TM9SF2: variants seen among roughly 807,000 people sequenced by gnomAD.
The protein encoded by TM9SF2 is transmembrane 9 superfamily member 2, also known as 76 kDa membrane protein.
TM9SF2 carries 13 observed loss-of-function variants against 84.9 expected under a neutral mutation model. The observed-to-expected ratio is 0.15, with a 90% confidence interval of 0.10 to 0.24. TM9SF2 has a LOEUF of 0.24. TM9SF2 is among the 10% of genes least tolerant of loss of function. The probability of loss-of-function intolerance (pLI) is 1.00; values close to 1 mark genes in which losing one functional copy is unlikely to be tolerated. For synonymous variants in TM9SF2, 273 were observed against 285.8 expected, an observed-to-expected ratio of 0.96 and a Z score of 0.45; for missense variants, 562 against 818.5, an observed-to-expected ratio of 0.69 and a Z score of 3.82.
chr13:99,549,738 GT>G (rs2046297986), intron 12 of TM9SF2, among the ~76,000 whole-genome samples: 1 of 152,134 alleles, frequency 6.6e-6, no homozygotes. Flanking sequence ...ATCTGATGCG[GT>G]TCTGGTCCTA....
chr13:99,544,354 C>A (rs9585122), intron 10 of TM9SF2, among the ~76,000 whole-genome samples: 52,475 of 147,130 alleles, frequency 0.36, 10,665 homozygotes, highest in African/African-American at 0.56. Flanking sequence ...AAAAAAAAAA[C>A]AAAAAACACC....
Position 99,555,646 on chromosome 13 carries a change from A to G in TM9SF2, c.1751A>G (p.Glu584Gly). Residue 584 changes from glutamate (E) to glycine (G), a missense_variant and splice_region_variant, in exon 15 of 17, where the codon GAG (glutamate) becomes GGG (glycine). Coordinates refer to ENST00000376387, the MANE Select transcript of TM9SF2 (RefSeq NM_004800.3). Reference protein sequence around the residue: ...ILLCYFHLCAEDYHWQWRSFL... With the variant: ...ILLCYFHLCAGDYHWQWRSFL... ...CTTTGCTATTTCCACCTATGTGCAG[A>G]GGTATGTATTAGCAGTATTCACTTA... 6.2e-7 allele frequency: 1 copy of G among 1,604,958 alleles called. No homozygotes were observed. The highest frequency in any genetic ancestry group is 8.5e-7 in the Non-Finnish European group (1 of 1,171,912).
chr13:99,526,281 A>G (rs538327330), intron 3 of TM9SF2, among the ~76,000 whole-genome samples: 18 of 152,356 alleles, frequency 1.2e-4, no homozygotes, highest in African/African-American at 4.1e-4. Context: ...TTAATTGTGT[A>G]TCTCCAGCTA....
chr13:99,541,184 G>A (rs570528730), intron 8 of TM9SF2, among the ~76,000 whole-genome samples: 28 of 152,232 alleles, frequency 1.8e-4, no homozygotes, highest in African/African-American at 6.7e-4. Flanking sequence ...TTTTCCTATT[G>A]CTGTCTGATC....
intron 1 of TM9SF2, among the ~76,000 whole-genome samples, chr13:99,508,278 C>T (rs565848228): frequency 8.0e-4 from 121 of 152,180 alleles, no homozygotes; most frequent in African/African-American, 2.8e-3. Flanking sequence ...GAAGTTCTTT[C>T]TAGTCACATC....
intron 10 of TM9SF2, among the ~76,000 whole-genome samples, chr13:99,546,340 A>G (rs1296989779): frequency 1.3e-5 from 2 of 152,204 alleles, no homozygotes; most frequent in African/African-American, 4.8e-5. Flanking sequence ...GGGAATTTCT[A>G]TGAATATAAT....
chr13:99,547,847 A>G (rs2046290062), intron 11 of TM9SF2, among the ~76,000 whole-genome samples: 2 of 152,138 alleles, frequency 1.3e-5, no homozygotes, highest in African/African-American at 4.8e-5. Context: ...TTTTGAGGTG[A>G]AGCACAGTAG....
chr13:99,532,883 G>C (rs564730592), intron 4 of TM9SF2, among the ~76,000 whole-genome samples: 2 of 152,282 alleles, frequency 1.3e-5, no homozygotes, highest in Non-Finnish European at 2.9e-5. Context: ...AATTACCTGA[G>C]AAAGTGCTGG....
chr13:99,519,323 C>T (rs770205234), intron 2 of TM9SF2, among the ~76,000 whole-genome samples: 2 of 151,518 alleles, frequency 1.3e-5, no homozygotes, highest in Non-Finnish European at 2.9e-5. Context: ...ACCAGAGACC[C>T]ACCTTCCTCT....
At chr13:99,552,905 CTG>C (rs2046311829) in intron 13 of TM9SF2, among the ~76,000 whole-genome samples, 1 of 152,176 alleles carries the variant, frequency 6.6e-6, no homozygotes, top group Non-Finnish European at 1.5e-5. Context: ...GAAGAAGTCA[CTG>C]TAAGAAAAGT....
intron 1 of TM9SF2, among the ~76,000 whole-genome samples, chr13:99,517,356 C>A (rs2139077027): frequency 6.6e-6 from 1 of 152,232 alleles, no homozygotes. Context: ...AAACTCCTGG[C>A]CTCAAGTGAT....
intron 12 of TM9SF2, among the ~76,000 whole-genome samples, chr13:99,549,496 C>T (rs1394808115): frequency 2.0e-5 from 3 of 152,176 alleles, no homozygotes; most frequent in Non-Finnish European, 4.4e-5. Flanking sequence ...GTCAGTCTGA[C>T]ATGTTGTTCT....
At chr13:99,561,553 G>A (rs890922311) in intron 16 of TM9SF2, among the ~76,000 whole-genome samples, 8 of 152,154 alleles carry the variant, frequency 5.3e-5, no homozygotes, top group African/African-American at 1.4e-4. Flanking sequence ...AGGTATATTT[G>A]TATGTCCTCC....
At chr13:99,504,955 T>G (rs536393471) in intron 1 of TM9SF2, among the ~76,000 whole-genome samples, 1 of 152,316 alleles carries the variant, frequency 6.6e-6, no homozygotes, top group African/African-American at 2.4e-5. Context: ...TACAGTGTAT[T>G]TAGCAGTAAT....
At position 99,520,088 on chromosome 13, in the gene TM9SF2, C is replaced by A; in HGVS notation, c.292C>A (p.Gln98Lys). 1.2e-6 allele frequency: 2 copies of A among 1,613,912 alleles called. No individual in the cohort carries two copies. The highest frequency in any genetic ancestry group is 2.2e-5 in the South Asian group (2 of 91,016). The change falls in exon 3 of 17, where the codon CAG becomes AAG. Residue 98 changes from glutamine (Q) to lysine (K), a missense_variant. Around this residue, in one of 4 missense-constraint regions of TM9SF2, gnomAD observed 267 missense variants for 316.7 expected, o/e 0.84. Transcript: ENST00000376387. ...EGKRPSENLG[Q>K]VLFGERIEPS... ...AAAGCGCCCATCTGAAAATCTTGGT[C>A]AGGTACTATTCGGGGAAAGAATTGA...
At chr13:99,552,027 C>A (rs1218663557) in intron 12 of TM9SF2, 140 bp from the exon 13 acceptor site, 1 of 826,106 alleles carries the variant, frequency 1.2e-6, no homozygotes, top group Non-Finnish European at 1.8e-6. Flanking sequence ...TCAAGTTTTA[C>A]ATTCAGACAT....
chr13:99,542,223 G>A (rs2046263394), intron 9 of TM9SF2, among the ~76,000 whole-genome samples: 1 of 152,000 alleles, frequency 6.6e-6, no homozygotes, highest in South Asian at 2.1e-4. Flanking sequence ...CTCCTGTGTG[G>A]GAATGGACTG....
intron 1 of TM9SF2, among the ~76,000 whole-genome samples, chr13:99,502,381 G>A (rs540949529): frequency 6.6e-6 from 1 of 152,318 alleles, no homozygotes; most frequent in East Asian, 1.9e-4. Context: ...GCCACACAAA[G>A]TGCATTAATA....
chr13:99,551,370 A>G lies in TM9SF2; in HGVS notation c.1329-797A>G, dbSNP rs189593710. Among the ~76,000 whole-genome samples, 25 of 152,344 alleles carry G rather than the reference A, an allele frequency of 1.6e-4. No individual in the cohort carries two copies. In the East Asian group the frequency reaches 2.3e-3, roughly 14 times the overall value. ...TAGATGTGGCACCATGAGCCAGAGGAACTGTTAGATAAGTGATGCTGGGAC... is the reference window on the plus strand; with the variant it reads ...TAGATGTGGCACCATGAGCCAGAGGGACTGTTAGATAAGTGATGCTGGGAC... On this transcript the variant is annotated intron_variant, in intron 12 of 16. Coordinates refer to ENST00000376387, the MANE Select transcript of TM9SF2 (RefSeq NM_004800.3).
Sources: allele counts gnomAD v4.1 joint callset (sites outside exome capture counted in the v4.1 genomes callset), GRCh38; gene constraint gnomAD v4.1.1; regional missense constraint gnomAD v4.1.1; transcripts MANE v1.5; gene names NCBI Gene and HGNC (gene_info 2026-07-23, HGNC 2026-07-21).